The following GNA14 variants were observed in gnomAD, a reference collection of about 807,000 sequenced individuals.
GNA14 encodes the protein guanine nucleotide-binding protein subunit alpha-14.
Under a neutral mutation model 42.0 loss-of-function variants are expected in GNA14, and 50 were observed. The observed-to-expected ratio is 1.19, with a 90% confidence interval of 0.95 to 1.51. GNA14 has a LOEUF of 1.51. Ranked by LOEUF, GNA14 falls within the 40% of genes most tolerant of loss-of-function variation. The pLI is 0.00. For missense variants in GNA14, 473 were observed against 446.2 expected (o/e 1.06, Z -0.54); for synonymous variants, 173 against 163.1 (o/e 1.06, Z -0.46).
At chr9:77,542,467 T>C (rs961668856) in intron 1 of GNA14, among the ~76,000 whole-genome samples, 2 of 152,138 alleles carry the variant, frequency 1.3e-5, no homozygotes, top group African/African-American at 2.4e-5. Context: ...ACAGTATATG[T>C]TGGCTCTGGT....
intron 2 of GNA14, among the ~76,000 whole-genome samples, chr9:77,445,270 G>C (rs928698838): frequency 1.3e-5 from 2 of 152,140 alleles, no homozygotes; most frequent in Non-Finnish European, 2.9e-5. Flanking sequence ...CACATAACAA[G>C]TCTTTCCCTA....
intron 1 of GNA14, among the ~76,000 whole-genome samples, chr9:77,561,678 C>CA (rs1235765411): frequency 6.6e-6 from 1 of 151,994 alleles, no homozygotes; most frequent in Non-Finnish European, 1.5e-5. Context: ...CTTGGAATGA[C>CA]AAAAAAATTT....
rs750818618 is a variant in GNA14 at position 77,513,332 on chromosome 9, C to G, written c.309+15737G>C. Among the ~76,000 whole-genome samples, 24 of 152,374 alleles carry G rather than the reference C, an allele frequency of 1.6e-4. No individual in the cohort carries two copies. The East Asian group carries it at 2.1e-3, about 13-fold the overall frequency. ...TGGGCTCAGTTTCCCACTCTGACAT[C>G]TGCTACTTGTGTGATCTTGGGAAAG... On this transcript the variant is annotated intron_variant, in intron 2 of 6. Coordinates refer to ENST00000341700, the MANE Select transcript of GNA14 (RefSeq NM_004297.4).
intron 1 of GNA14, among the ~76,000 whole-genome samples, chr9:77,601,626 G>T (rs1467458156): frequency 1.3e-5 from 2 of 152,246 alleles, no homozygotes; most frequent in Non-Finnish European, 2.9e-5. Flanking sequence ...AATCAAGTGA[G>T]TTTAGGAAGA....
At chr9:77,605,312 G>GT (rs1823629810) in intron 1 of GNA14, among the ~76,000 whole-genome samples, 1 of 152,180 alleles carries the variant, frequency 6.6e-6, no homozygotes, top group East Asian at 1.9e-4. Flanking sequence ...ACTTCAACAC[G>GT]TAAGTGCTTG....
chr9:77,600,548 G>T (rs1160563826), intron 1 of GNA14, among the ~76,000 whole-genome samples: 1 of 152,156 alleles, frequency 6.6e-6, no homozygotes, highest in East Asian at 1.9e-4. Flanking sequence ...CCCGGCGTTG[G>T]CAAAACCATA....
At chr9:77,529,362 A>T (rs529287887) in intron 1 of GNA14, 109 bp from the exon 2 acceptor site, 1 of 865,214 alleles carries the variant, frequency 1.2e-6, no homozygotes, top group African/African-American at 1.7e-5. Flanking sequence ...TAATAGGCTG[A>T]TGGGTTGGAT....
intron 2 of GNA14, among the ~76,000 whole-genome samples, chr9:77,496,563 T>A (rs1204737320): frequency 6.6e-6 from 1 of 152,120 alleles, no homozygotes; most frequent in Admixed American, 6.6e-5. Flanking sequence ...GGTTGCCAGG[T>A]GCGCACAGTT....
chr9:77,510,638 G>A (rs1837148705), intron 2 of GNA14, among the ~76,000 whole-genome samples: 1 of 152,238 alleles, frequency 6.6e-6, no homozygotes, highest in Non-Finnish European at 1.5e-5. Context: ...TACTGTGGCA[G>A]TTAGGTTTGG....
chr9:77,584,127 C>T (rs917356476), intron 1 of GNA14, among the ~76,000 whole-genome samples: 4 of 152,168 alleles, frequency 2.6e-5, no homozygotes, highest in Admixed American at 2.0e-4. Context: ...AGTGGACTCA[C>T]TTGTTCATTC....
At chr9:77,473,428 C>A (rs1365059837) in intron 2 of GNA14, among the ~76,000 whole-genome samples, 1 of 151,978 alleles carries the variant, frequency 6.6e-6, no homozygotes, top group Non-Finnish European at 1.5e-5. Flanking sequence ...TGCACTCAAG[C>A]CTGAGTGACA....
Position 77,505,389 on chromosome 9 carries a change from G to A in GNA14, c.309+23680C>T, listed in dbSNP as rs137976213. 6.7e-3 allele frequency among the ~76,000 whole-genome samples: 1,013 copies of A among 152,186 alleles called. 10 individuals are homozygous for A. The highest frequency in any genetic ancestry group is 0.034 in the Middle Eastern group (10 of 294). On this transcript the variant is annotated intron_variant, in intron 2 of 6. Coordinates refer to ENST00000341700, the MANE Select transcript of GNA14 (RefSeq NM_004297.4). ...AATTAGTTGCCTTTCTCCCTTCCCG[G>A]TTACACTTTGCACAGTGCTCCAGAC...
At chr9:77,589,677 AC>A (rs1307525532) in intron 1 of GNA14, among the ~76,000 whole-genome samples, 1 of 152,082 alleles carries the variant, frequency 6.6e-6, no homozygotes, top group Non-Finnish European at 1.5e-5. Flanking sequence ...CAGTGGGTAA[AC>A]CGCAGGTTGC....
chr9:77,526,142 C>A (rs962882263), intron 2 of GNA14, among the ~76,000 whole-genome samples: 7 of 138,734 alleles, frequency 5.0e-5, no homozygotes, highest in African/African-American at 8.3e-5. Context: ...AAACCCTGGG[C>A]TCAAGAGATG....
intron 1 of GNA14, among the ~76,000 whole-genome samples, chr9:77,634,631 C>CA (rs1027994473): frequency 1.3e-5 from 2 of 151,726 alleles, no homozygotes; most frequent in South Asian, 2.1e-4. Flanking sequence ...ACCACTTATC[C>CA]AAAAAAAATC....
chr9:77,526,296 G>A (rs977912073), intron 2 of GNA14, among the ~76,000 whole-genome samples: 3 of 152,016 alleles, frequency 2.0e-5, no homozygotes, highest in South Asian at 2.1e-4. Flanking sequence ...TAGGGATGTC[G>A]GGATGGAGTA....
chr9:77,448,006 G>C (rs1408328788), intron 2 of GNA14, among the ~76,000 whole-genome samples: 1 of 152,208 alleles, frequency 6.6e-6, no homozygotes, highest in Non-Finnish European at 1.5e-5. Context: ...TCTAACATTT[G>C]TATGATGCCA....
chr9:77,467,718 C>G (rs1474170491), intron 2 of GNA14, among the ~76,000 whole-genome samples: 1 of 150,368 alleles, frequency 6.7e-6, no homozygotes, highest in East Asian at 2.0e-4. Flanking sequence ...TTCTGACAAC[C>G]TGCATCTCCC....
intron 1 of GNA14, among the ~76,000 whole-genome samples, chr9:77,639,418 A>T (rs1226960316): frequency 1.3e-5 from 2 of 152,236 alleles, no homozygotes; most frequent in Admixed American, 6.5e-5. Flanking sequence ...TCCAGGATGC[A>T]CACAGCTTAT....
Sources: gnomAD v4.1 joint callset for allele counts (sites outside exome capture counted in the v4.1 genomes callset) on GRCh38, gnomAD v4.1.1 for gene constraint, MANE v1.5 for transcripts, NCBI Gene and HGNC (gene_info 2026-07-23, HGNC 2026-07-21) for gene names.